Variants in SYT7 observed in about 807,000 individuals in gnomAD.
SYT7 encodes synaptotagmin 7, also known as synaptotagmin-7.
A neutral mutation model predicts 75.1 loss-of-function variants in SYT7; 29 were observed. The observed-to-expected ratio is 0.39, with a 90% CI of 0.29 to 0.53. The LOEUF (loss-of-function observed/expected upper bound fraction) is 0.53, where lower values mean the gene tolerates loss of function less well. Among genes scored for constraint, SYT7 ranks in the 20% least tolerant of loss-of-function variants. The probability of loss-of-function intolerance (pLI) is 0.77; values close to 1 mark genes in which losing one functional copy is unlikely to be tolerated. For missense variants in SYT7, 693 were observed against 953.2 expected (o/e 0.73, Z 3.59); for synonymous variants, 376 against 401.7 (o/e 0.94, Z 0.76).
In SYT7 at chr11:61,546,215, C is replaced by T; in HGVS notation, c.388G>A (p.Gly130Arg). The T allele has an allele frequency of 1.4e-6, 2 of 1,475,880 alleles. No homozygotes were observed. The highest frequency in any genetic ancestry group is 1.3e-5 in the South Asian group (1 of 75,310). The allele number at this position is 1,475,880 out of a possible 1,614,324, so 91.4% of individuals were successfully genotyped here. The change falls in exon 5 of 13, where the codon GGG becomes AGG. Residue 130 changes from glycine (G) to arginine (R), a missense_variant. This residue lies in a region of SYT7 where 487 missense variants were observed against 593.2 expected (regional missense o/e 0.82). Transcript: ENST00000539008. This position sits in a 1 kb window ranked among gnomAD's most constrained non-coding sequence, Gnocchi z 7.6. ...LSGAKVAAAA[G>R]LAVEREGRLG... ...CGGCCTTCCCGCTCCACCGCCAGCC[C>T]CGCCGCGGCGGCCACTTTGGCGCCC...
At chr11:61,530,836 A>C in intron 8 of SYT7, 1 of 985,108 alleles carries the variant, frequency 1.0e-6, no homozygotes, top group Non-Finnish European at 1.2e-6. Context: ...AGCCCTACTT[A>C]CTCAGCTGGG....
rs1434190114 is a variant in SYT7, at chr11:61,546,083, G to A, written c.520C>T (p.Arg174Cys). The change falls in exon 5 of 13, where the codon CGC (arginine) becomes TGC (cysteine). Residue 174 changes from arginine (R) to cysteine (C), a missense_variant. This residue lies in a region of SYT7 where 487 missense variants were observed against 593.2 expected (regional missense o/e 0.82). Transcript: ENST00000539008. The surrounding 1 kb of genome is among the most constrained non-coding windows in gnomAD (Gnocchi z 7.6). ...PGSGGKAGRGRWRTVQSHLAA... is the reference protein window; with the variant it reads ...PGSGGKAGRGCWRTVQSHLAA... ...AGGTGGCTCTGCACCGTCCGCCAGC[G>A]GCCTCTCCCCGCCTTGCCACCGCTG... 10 of 1,532,344 alleles carry A rather than the reference G, an allele frequency of 6.5e-6. No individual in the cohort carries two copies. Among genetic ancestry groups the A allele is most frequent in the South Asian group, 2.4e-5 (2 of 83,904 alleles). 94.9% of individuals were successfully genotyped at this position (1,532,344 alleles called of 1,614,324 possible).
rs2062419888 is a variant in SYT7, at chr11:61,523,700, A to C, written c.1756+127T>G. On this transcript the variant is annotated intron_variant, in intron 11 of 12. Transcript: ENST00000539008. The surrounding 1 kb of genome is among the most constrained non-coding windows in gnomAD (Gnocchi z 5.0). ...AGGGTCTCTAGGGTAAGGAGTGAGG[A>C]CTGGAGGTCGGGGTGTGGCGGGTTG... The C allele has an allele frequency of 2.0e-6, 2 of 976,628 alleles. No homozygotes were observed. Among genetic ancestry groups the C allele is most frequent in the African/African-American group, 1.6e-5 (1 of 62,320 alleles). 60.5% of individuals were successfully genotyped at this position (976,628 alleles called of 1,614,324 possible).
At position 61,546,090 on chromosome 11, in the gene SYT7, C is replaced by T; in HGVS notation, c.513G>A (p.Gly171=). ...TCTGCACCGTCCGCCAGCGGCCTCT[C>T]CCCGCCTTGCCACCGCTGCCCGGCT... The part of the protein sequence containing the change: ...PSEPGSGGKA[G]RGRWRTVQSH... Residue 171 remains glycine (G), a synonymous_variant, in exon 5 of 13, where the codon GGG becomes GGA. Transcript: ENST00000539008. This position sits in a 1 kb window ranked among gnomAD's most constrained non-coding sequence, Gnocchi z 7.6. The T allele has an allele frequency of 6.5e-7, 1 of 1,532,030 alleles. No homozygotes were observed. Among genetic ancestry groups the T allele is most frequent in the Non-Finnish European group, 8.7e-7 (1 of 1,145,088 alleles). The allele number at this position is 1,532,030 out of a possible 1,614,324, so 94.9% of individuals were successfully genotyped here. A position where few individuals can be genotyped will look rare whatever the true frequency, so the allele number is the denominator to read the frequency against.
At chr11:61,579,160 C>T (rs1282117966) in intron 1 of SYT7, among the ~76,000 whole-genome samples, 2 of 152,158 alleles carry the variant, frequency 1.3e-5, no homozygotes, top group African/African-American at 2.4e-5. Context: ...GCCTGGTGGG[C>T]GAGGGGATGG....
intron 1 of SYT7, among the ~76,000 whole-genome samples, chr11:61,562,732 G>A (rs77773294): frequency 0.051 from 7,811 of 152,222 alleles, 396 homozygotes; most frequent in African/African-American, 0.13. Context: ...GGAAGAGGGA[G>A]GGCTAAGGCA....
chr11:61,560,073 C>A (rs2063598472), intron 1 of SYT7, among the ~76,000 whole-genome samples: 1 of 152,188 alleles, frequency 6.6e-6, no homozygotes, highest in African/African-American at 2.4e-5. Context: ...ACAACGACAA[C>A]AGAGATAAGC....
chr11:61,527,960 G>T lies in SYT7; in HGVS notation c.1426C>A (p.Arg476=). Residue 476 remains arginine (R), a synonymous_variant, in exon 9 of 13, where the codon CGG becomes AGG. Coordinates refer to ENST00000539008, the MANE Select transcript of SYT7 (RefSeq NM_001365809.2). The stretch of plus-strand genomic sequence containing the variant: ...TTCCAGTGGGGGTTCAGGTTCTTCC[G>T]CTTCACCTTGGTCTCCAGCTTGTGC... ...KKHKLETKVK[R]KNLNPHWNET... is the part of the protein sequence containing the mutation. The T allele has an allele frequency of 1.2e-6, 2 of 1,614,170 alleles. No homozygotes were observed. The highest frequency in any genetic ancestry group is 1.7e-6 in the Non-Finnish European group (2 of 1,180,022).
rs2062194000 is a variant in SYT7, at chr11:61,518,092, C to T, written c.*535G>A. The T allele has an allele frequency of 6.4e-6, 1 of 157,466 alleles. No homozygotes were observed. The highest frequency in any genetic ancestry group is 1.4e-5 in the Non-Finnish European group (1 of 71,810). The allele number at this position is 157,466 out of a possible 1,614,324, so 9.8% of individuals were successfully genotyped here. On this transcript the variant is annotated 3_prime_UTR_variant, in exon 13 of 13. Transcript: ENST00000539008. ...GACACAACACGAGTACAAAGGGCCA[C>T]AGCTCCAGGACCCAGGAGCGGGCTA...
chr11:61,549,059 A>G (rs1033992570), intron 3 of SYT7, among the ~76,000 whole-genome samples: 4 of 152,112 alleles, frequency 2.6e-5, no homozygotes, highest in African/African-American at 9.7e-5. Context: ...GCCTCACACG[A>G]GGGTATGGAT....
intron 12 of SYT7, among the ~76,000 whole-genome samples, chr11:61,519,878 T>C (rs1323344882): frequency 6.6e-6 from 1 of 152,220 alleles, no homozygotes; most frequent in African/African-American, 2.4e-5. Flanking sequence ...TAGAGTGTAA[T>C]GGCACGATCT....
At chr11:61,520,595 C>G (rs745725019) in intron 12 of SYT7, among the ~76,000 whole-genome samples, 1 of 151,294 alleles carries the variant, frequency 6.6e-6, no homozygotes, top group South Asian at 2.1e-4. Context: ...GAGGCCAAGG[C>G]GGGCGGATTG....
chr11:61,522,356 A>AT, intron 12 of SYT7, among the ~76,000 whole-genome samples: 1 of 151,810 alleles, frequency 6.6e-6, no homozygotes, highest in South Asian at 2.1e-4. Flanking sequence ...TGCCCGGCTA[A>AT]TTTTTCTATT....
chr11:61,551,075 G>C lies in SYT7; in HGVS notation c.215+309C>G, dbSNP rs1052067451. Among the ~76,000 whole-genome samples the C allele has an allele frequency of 1.3e-5, 2 of 152,160 alleles. No homozygotes were observed. Among genetic ancestry groups the C allele is most frequent in the Non-Finnish European group, 2.9e-5 (2 of 68,016 alleles). ...GGGAAGCCGGCGGGTGGTGGGCACA[G>C]TGTGTGTGATAGGAGGGTGGGATGA... On this transcript the variant is annotated intron_variant, in intron 3 of 12. Coordinates refer to ENST00000539008, the MANE Select transcript of SYT7 (RefSeq NM_001365809.2). This position sits in a 1 kb window ranked among gnomAD's most constrained non-coding sequence, Gnocchi z 5.3.
rs573523638 is a variant in SYT7 at position 61,524,760 on chromosome 11, G to C, written c.1472-228C>G. ...AATTCTCCAAGGTGAATGGCATCTC[G>C]TCCATCTTACAGATGAGGCTCAGAC... On this transcript the variant is annotated intron_variant, in intron 9 of 12. Transcript: ENST00000539008. The surrounding 1 kb of genome is among the most constrained non-coding windows in gnomAD (Gnocchi z 4.1). The C allele has an allele frequency of 4.1e-6, 2 of 484,738 alleles. No homozygotes were observed. Among genetic ancestry groups the C allele is most frequent in the African/African-American group, 4.0e-5 (2 of 49,948 alleles). The allele number at this position is 484,738 out of a possible 1,614,324, so 30.0% of individuals were successfully genotyped here.
At position 61,580,646 on chromosome 11, in the gene SYT7, C is replaced by T. The variant is rs1321158900; in HGVS notation, c.31+144G>A. On this transcript the variant is annotated intron_variant, in intron 1 of 12. Coordinates refer to ENST00000539008, the MANE Select transcript of SYT7 (RefSeq NM_001365809.2). This position sits in a 1 kb window ranked among gnomAD's most constrained non-coding sequence, Gnocchi z 6.1. ...AGCCGCTGCCGCTCGATCCCGCGCC[C>T]CCGGGGCTGGGATGACCCCTGGGGG... 2.2e-6 allele frequency: 1 copy of T among 452,808 alleles called. No homozygotes were observed. Among genetic ancestry groups the T allele is most frequent in the Non-Finnish European group, 3.4e-6 (1 of 294,254 alleles). The allele number at this position is 452,808 out of a possible 1,614,324, so 28.0% of individuals were successfully genotyped here.
Position 61,524,525 on chromosome 11 carries a change from G to C in SYT7, c.1479C>G (p.Pro493=), listed in dbSNP as rs2062451272. ...WNETFLFEGF[P]YEKVVQRILY... ...GGATCCTCTGCACCACCTTCTCATA[G>C]GGAAAACCTGGGGGTATAGATGAGT... The change falls in exon 10 of 13, where the codon CCC becomes CCG. Residue 493 remains proline, a synonymous_variant. Coordinates refer to ENST00000539008, the MANE Select transcript of SYT7 (RefSeq NM_001365809.2). This position sits in a 1 kb window ranked among gnomAD's most constrained non-coding sequence, Gnocchi z 4.1. 1.3e-6 allele frequency: 2 copies of C among 1,588,390 alleles called. No homozygotes were observed.
chr11:61,553,624 C>A lies in SYT7; in HGVS notation c.136-2161G>T, dbSNP rs1206735624. Among the ~76,000 whole-genome samples, 3 of 152,208 alleles carry A rather than the reference C, an allele frequency of 2.0e-5. No individual in the cohort carries two copies. Among genetic ancestry groups the A allele is most frequent in the African/African-American group, 7.2e-5 (3 of 41,468 alleles). ...ATGGGGGACAGGAACCAGGCCAGGA[C>A]TTGATGTGGAGGGCAGGGGGACAAC... On this transcript the variant is annotated intron_variant, in intron 2 of 12. Transcript: ENST00000539008. This position sits in a 1 kb window ranked among gnomAD's most constrained non-coding sequence, Gnocchi z 5.2.
At chr11:61,545,900 G>T (rs1310162664) in intron 5 of SYT7, 131 bp downstream of exon 5, 2 of 758,308 alleles carry the variant, frequency 2.6e-6, no homozygotes, top group African/African-American at 1.8e-5. Context: ...CTCATGAAGG[G>T]ATGGAATGAG....
Sources: allele counts gnomAD v4.1 joint callset (sites outside exome capture counted in the v4.1 genomes callset), GRCh38; gene constraint gnomAD v4.1.1; regional missense constraint gnomAD v4.1.1; non-coding constraint Gnocchi (gnomAD v3.1); transcripts MANE v1.5; gene names NCBI Gene and HGNC (gene_info 2026-07-23, HGNC 2026-07-21).